The following GRIP1 variants were observed in gnomAD, a reference collection of about 807,000 sequenced individuals.
The protein encoded by GRIP1 is glutamate receptor interacting protein 1, also known as glutamate receptor-interacting protein 1.
A neutral mutation model predicts 129.9 loss-of-function variants in GRIP1; 45 were observed. That is an observed-to-expected ratio of 0.35 (90% CI 0.27 to 0.44). GRIP1 has a LOEUF of 0.44. GRIP1 is among the 20% of genes least tolerant of loss of function. The probability of loss-of-function intolerance (pLI) is 1.00; values close to 1 mark genes in which losing one functional copy is unlikely to be tolerated. For synonymous variants in GRIP1, 530 were observed against 520.8 expected (o/e 1.02, Z -0.24); for missense variants, 1,196 against 1,396.8 (o/e 0.86, Z 2.29).
Position 66,392,480 on chromosome 12 carries a change from C to T in GRIP1, c.2292G>A (p.Lys764=). ...TCAAATGGCTAGAAATAGGGAACTT[C>T]TTGGGGCTCGATGCTGACTGGGCTT... is the stretch of plus-strand genomic sequence containing the variant. ...QTDAQSASSP[K]KFPISSHLSD... Residue 764 remains lysine (K), a synonymous_variant, in exon 19 of 25, where the codon AAG becomes AAA. Coordinates refer to ENST00000359742, the MANE Select transcript of GRIP1 (RefSeq NM_001366722.1). The T allele has an allele frequency of 6.2e-7, 1 of 1,614,084 alleles. No individual in the cohort carries two copies. Among genetic ancestry groups the T allele is most frequent in the Non-Finnish European group, 8.5e-7 (1 of 1,179,982 alleles).
intron 1 of GRIP1, among the ~76,000 whole-genome samples, chr12:66,915,246 A>G (rs2041101181): frequency 6.6e-6 from 1 of 152,036 alleles, no homozygotes; most frequent in Admixed American, 6.6e-5. Flanking sequence ...AGAACTGACT[A>G]AGTGAGGAAA....
At position 66,605,271 on chromosome 12, in the gene GRIP1, C is replaced by CT. The variant is rs368662090; in HGVS notation, c.56-8345dup. ...TATCTCTTGACTACTTAAATTGCTT[C>CT]TTTTTTTGCCCCTTGTTTGGAACGT... On this transcript the variant is annotated intron_variant, in intron 1 of 24. Transcript: ENST00000359742. 2.5e-3 allele frequency among the ~76,000 whole-genome samples: 375 copies of CT among 152,116 alleles called. 2 individuals carry two copies. The highest frequency in any genetic ancestry group is 8.5e-3 in the African/African-American group (352 of 41,526).
intron 7 of GRIP1, among the ~76,000 whole-genome samples, chr12:66,502,239 C>T (rs550629379): frequency 6.6e-6 from 1 of 151,998 alleles, no homozygotes; most frequent in Non-Finnish European, 1.5e-5. Flanking sequence ...TTTAAAAAAC[C>T]CTTCTGATTC....
In GRIP1 at chr12:66,371,943, T is replaced by G. The variant is rs1379293528; in HGVS notation, c.2779-16A>C. ...TGATTGTTGCCTGTGGCATTGACAA[T>G]TTTTAGAAACAATTAAGCCATGGAC... is the stretch of plus-strand genomic sequence containing the variant. On this transcript the variant is annotated splice_polypyrimidine_tract_variant and intron_variant, in intron 22 of 24. Coordinates refer to ENST00000359742, the MANE Select transcript of GRIP1 (RefSeq NM_001366722.1). The G allele has an allele frequency of 6.5e-7, 1 of 1,531,988 alleles. No homozygotes were observed. Among genetic ancestry groups the G allele is most frequent in the Non-Finnish European group, 9.0e-7 (1 of 1,110,544 alleles). 94.9% of individuals were successfully genotyped at this position (1,531,988 alleles called of 1,614,324 possible).
intron 2 of GRIP1, among the ~76,000 whole-genome samples, chr12:66,550,605 T>C (rs778735195): frequency 7.2e-5 from 11 of 152,168 alleles, no homozygotes; most frequent in Non-Finnish European, 1.6e-4. Context: ...TACCCTACTT[T>C]AGAAACTCTG....
At chr12:66,606,997 G>GAC (rs950182175) in intron 1 of GRIP1, among the ~76,000 whole-genome samples, 10 of 85,398 alleles carry the variant, frequency 1.2e-4, no homozygotes, top group African/African-American at 5.4e-4. Context: ...TACTTGGAGA[G>GAC]AGAGAGAGAG....
chr12:66,990,018 A>C (rs1018148866), intron 1 of GRIP1, among the ~76,000 whole-genome samples: 1 of 152,238 alleles, frequency 6.6e-6, no homozygotes, highest in Non-Finnish European at 1.5e-5. Flanking sequence ...TGCTAGTTCT[A>C]AGATTCCTAG....
chr12:66,732,813 T>C (rs904011080), intron 1 of GRIP1, among the ~76,000 whole-genome samples: 3 of 152,166 alleles, frequency 2.0e-5, no homozygotes, highest in Admixed American at 6.5e-5. Context: ...ATTTTCTGAC[T>C]ATGCAAGAGG....
intron 7 of GRIP1, among the ~76,000 whole-genome samples, chr12:66,507,211 G>A (rs1368360519): frequency 6.6e-6 from 1 of 152,130 alleles, no homozygotes; most frequent in Non-Finnish European, 1.5e-5. Context: ...GGCCGAGGCG[G>A]GTGGATCACG....
At chr12:66,952,453 T>C (rs2041773272) in intron 1 of GRIP1, among the ~76,000 whole-genome samples, 1 of 152,216 alleles carries the variant, frequency 6.6e-6, no homozygotes, top group African/African-American at 2.4e-5. Flanking sequence ...CTTGAGATTA[T>C]AAATAAAAAT....
intron 9 of GRIP1, among the ~76,000 whole-genome samples, chr12:66,456,928 T>C (rs2058984135): frequency 1.3e-5 from 2 of 152,194 alleles, no homozygotes; most frequent in Admixed American, 1.3e-4. Context: ...CAGAATCTTA[T>C]CTGTATCTCG....
intron 2 of GRIP1, among the ~76,000 whole-genome samples, chr12:66,594,596 T>C (rs1443711266): frequency 6.6e-6 from 1 of 152,194 alleles, no homozygotes; most frequent in Non-Finnish European, 1.5e-5. Flanking sequence ...GATTGGACTC[T>C]CCTGAATTCT....
chr12:66,847,003 G>C (rs937162046), intron 1 of GRIP1, among the ~76,000 whole-genome samples: 26 of 152,304 alleles, frequency 1.7e-4, no homozygotes, highest in East Asian at 1.9e-4. Context: ...AGGGTAGGTG[G>C]ATAGTAGTCC....
chr12:67,037,822 T>C (rs767929022), intron 1 of GRIP1, among the ~76,000 whole-genome samples: 11 of 152,328 alleles, frequency 7.2e-5, no homozygotes, highest in Admixed American at 3.3e-4. Flanking sequence ...CAGTGGGACA[T>C]TAACCTAGAC....
rs991367211 is a variant in GRIP1 at position 66,392,890 on chromosome 12, C to T, written c.2130-74G>A. On this transcript the variant is annotated intron_variant, in intron 17 of 24. Coordinates refer to ENST00000359742, the MANE Select transcript of GRIP1 (RefSeq NM_001366722.1). Reference sequence around the variant, plus strand: ...TACTGAATATAAATTCCCTGACATACCTTATACATTCATCATAATAAAGAC... The same window carrying T: ...TACTGAATATAAATTCCCTGACATATCTTATACATTCATCATAATAAAGAC... The T allele has an allele frequency of 8.1e-5, 110 of 1,358,446 alleles. No homozygotes were observed. The African/African-American group carries it at 1.4e-3, about 17-fold the overall frequency. The allele number at this position is 1,358,446 out of a possible 1,614,324, so 84.1% of individuals were successfully genotyped here.
At chr12:66,885,394 G>A (rs568671010) in intron 1 of GRIP1, among the ~76,000 whole-genome samples, 8 of 152,262 alleles carry the variant, frequency 5.3e-5, no homozygotes, top group South Asian at 4.2e-4. Flanking sequence ...GAGGGCTGCC[G>A]GCCAATGTGC....
At chr12:66,798,584 T>C (rs1205648811) in intron 1 of GRIP1, among the ~76,000 whole-genome samples, 1 of 152,178 alleles carries the variant, frequency 6.6e-6, no homozygotes, top group Non-Finnish European at 1.5e-5. Context: ...AAGAAGGACC[T>C]TCTATTTCAG....
intron 19 of GRIP1, among the ~76,000 whole-genome samples, chr12:66,389,222 T>C (rs1345379509): frequency 6.6e-6 from 1 of 152,116 alleles, no homozygotes; most frequent in African/African-American, 2.4e-5. Flanking sequence ...TATGCCTTGC[T>C]TTTATTTTTG....
At chr12:66,979,842 G>C (rs1475161831) in intron 1 of GRIP1, among the ~76,000 whole-genome samples, 3 of 152,162 alleles carry the variant, frequency 2.0e-5, no homozygotes, top group Non-Finnish European at 4.4e-5. Context: ...ACCAGGGGTG[G>C]ATGGCCAACC....
Sources: allele counts gnomAD v4.1 joint callset (sites outside exome capture counted in the v4.1 genomes callset), GRCh38; gene constraint gnomAD v4.1.1; transcripts MANE v1.5; gene names NCBI Gene and HGNC (gene_info 2026-07-23, HGNC 2026-07-21).